Variants in GRIK4 observed in about 807,000 individuals in gnomAD.
GRIK4 encodes the protein glutamate ionotropic receptor kainate type subunit 4, also known as glutamate receptor ionotropic, kainate 4.
In GRIK4, 40 loss-of-function variants were observed where a neutral mutation model predicts 104.9. The ratio of observed to expected loss-of-function variants is 0.38; its 90% confidence interval spans 0.30 to 0.50. The LOEUF is 0.50. Among genes scored for constraint, GRIK4 ranks in the 20% least tolerant of loss-of-function variants. The pLI, the probability that GRIK4 is intolerant of heterozygous loss-of-function variation, is 0.93. For missense variants in GRIK4, 1,047 were observed against 1,308.1 expected, an observed-to-expected ratio of 0.80 and a Z score of 3.08; for synonymous variants, 485 against 524.9, an observed-to-expected ratio of 0.92 and a Z score of 1.04.
intron 19 of GRIK4, among the ~76,000 whole-genome samples, chr11:120,973,675 G>C (rs1944512617): frequency 6.6e-6 from 1 of 152,162 alleles, no homozygotes. Flanking sequence ...CCCCATTTGT[G>C]CCATGGCTGG....
chr11:120,550,342 TG>T (rs1948127080), intron 1 of GRIK4, among the ~76,000 whole-genome samples: 2 of 10,098 alleles, frequency 2.0e-4, no homozygotes, highest in Non-Finnish European at 1.6e-3. Context: ...CAGGGGTTGG[TG>T]GGGGTGGGGT....
At chr11:120,930,052 A>G (rs929797723) in intron 13 of GRIK4, among the ~76,000 whole-genome samples, 1 of 150,906 alleles carries the variant, frequency 6.6e-6, no homozygotes, top group African/African-American at 2.4e-5. Context: ...CTGGCTCTTC[A>G]CTAGGGACTG....
intron 1 of GRIK4, among the ~76,000 whole-genome samples, chr11:120,574,776 TGGGGA>T (rs1948455940): frequency 6.6e-6 from 1 of 152,134 alleles, no homozygotes; most frequent in African/African-American, 2.4e-5. Flanking sequence ...CATCAGTCTG[TGGGGA>T]GGGGAGGCGC....
chr11:120,585,375 A>C (rs1168036933), intron 1 of GRIK4, among the ~76,000 whole-genome samples: 1 of 147,538 alleles, frequency 6.8e-6, no homozygotes, highest in Non-Finnish European at 1.5e-5. Flanking sequence ...TGTGAGACAG[A>C]GTCTCACTCT....
intron 3 of GRIK4, among the ~76,000 whole-genome samples, chr11:120,710,873 A>G (rs1463447112): frequency 6.6e-6 from 1 of 152,334 alleles, no homozygotes; most frequent in East Asian, 1.9e-4. Context: ...AGGCCCAGAA[A>G]GTAAGGAAGT....
intron 18 of GRIK4, among the ~76,000 whole-genome samples, chr11:120,963,851 G>A (rs556574910): frequency 8.5e-5 from 13 of 152,202 alleles, no homozygotes; most frequent in Non-Finnish European, 1.8e-4. Context: ...CCTACATTAT[G>A]GGGTTGGGAG....
intron 1 of GRIK4, among the ~76,000 whole-genome samples, chr11:120,535,077 T>G (rs1947959093): frequency 6.6e-6 from 1 of 152,218 alleles, no homozygotes; most frequent in Admixed American, 6.5e-5. Flanking sequence ...GGTTTGCTGA[T>G]TTCCACGGTG....
At chr11:120,762,352 G>A (rs1201713535) in intron 3 of GRIK4, among the ~76,000 whole-genome samples, 2 of 152,166 alleles carry the variant, frequency 1.3e-5, no homozygotes, top group Admixed American at 1.3e-4. Context: ...CTCAGACAAT[G>A]GGGTTTTCTA....
At chr11:120,782,259 T>G (rs1952172004) in intron 3 of GRIK4, among the ~76,000 whole-genome samples, 1 of 151,746 alleles carries the variant, frequency 6.6e-6, no homozygotes, top group African/African-American at 2.4e-5. Context: ...GAACCAAGCC[T>G]GGCACCTAGT....
intron 13 of GRIK4, among the ~76,000 whole-genome samples, chr11:120,929,667 G>A (rs4936564): frequency 0.16 from 24,462 of 152,030 alleles, 2,531 homozygotes; most frequent in East Asian, 0.32. Context: ...ATTCCTTCCC[G>A]GGCTGTAATT....
At chr11:120,694,236 G>C (rs1033617443) in intron 3 of GRIK4, among the ~76,000 whole-genome samples, 1 of 152,290 alleles carries the variant, frequency 6.6e-6, no homozygotes, top group South Asian at 2.1e-4. Flanking sequence ...TGAAGGAAGA[G>C]TGCAGTAGGG....
chr11:120,593,446 TC>T (rs903137252), intron 1 of GRIK4, among the ~76,000 whole-genome samples: 38 of 152,082 alleles, frequency 2.5e-4, no homozygotes, highest in Non-Finnish European at 4.3e-4. Flanking sequence ...ATTCGACACT[TC>T]CCTCCTCCCT....
intron 1 of GRIK4, among the ~76,000 whole-genome samples, chr11:120,650,652 C>T (rs1206956491): frequency 1.3e-5 from 2 of 152,178 alleles, no homozygotes; most frequent in South Asian, 2.1e-4. Context: ...TCTTAATGTC[C>T]CAGACTGTAA....
At chr11:120,829,159 C>T (rs951494023) in intron 6 of GRIK4, among the ~76,000 whole-genome samples, 14 of 152,138 alleles carry the variant, frequency 9.2e-5, no homozygotes, top group African/African-American at 3.4e-4. Context: ...TTCACCTCTC[C>T]AGCTGTGGGG....
At chr11:120,901,384 C>T (rs1295262506) in intron 12 of GRIK4, among the ~76,000 whole-genome samples, 1 of 151,718 alleles carries the variant, frequency 6.6e-6, no homozygotes, top group Non-Finnish European at 1.5e-5. Context: ...CCTGGGTTAC[C>T]CTTCCCTCTA....
chr11:120,838,420 A>G (rs1953632784), intron 8 of GRIK4, among the ~76,000 whole-genome samples: 1 of 152,244 alleles, frequency 6.6e-6, no homozygotes, highest in South Asian at 2.1e-4. Context: ...ATATAGCTCT[A>G]TGATGCTTTC....
intron 12 of GRIK4, among the ~76,000 whole-genome samples, chr11:120,900,259 T>C (rs563394268): frequency 1.3e-5 from 2 of 152,250 alleles, no homozygotes; most frequent in South Asian, 4.1e-4. Context: ...AAATAGACAC[T>C]GGTAAGAAAG....
intron 1 of GRIK4, among the ~76,000 whole-genome samples, chr11:120,587,362 A>G (rs1591716421): frequency 1.3e-5 from 2 of 152,194 alleles, no homozygotes; most frequent in African/African-American, 4.8e-5. Context: ...TTATAATGTC[A>G]CATGGAAAGG....
intron 1 of GRIK4, among the ~76,000 whole-genome samples, chr11:120,581,061 A>G (rs1012769586): frequency 5.3e-5 from 8 of 152,156 alleles, no homozygotes; most frequent in Non-Finnish European, 1.0e-4. Context: ...CCAACCCTGT[A>G]TCTTTTCTTG....
Sources: gnomAD v4.1 joint callset for allele counts (sites outside exome capture counted in the v4.1 genomes callset) on GRCh38, gnomAD v4.1.1 for gene constraint, MANE v1.5 for transcripts, NCBI Gene and HGNC (gene_info 2026-07-23, HGNC 2026-07-21) for gene names.